LRMDA: variants seen among roughly 807,000 people sequenced by gnomAD.
LRMDA encodes leucine rich melanocyte differentiation associated, also known as leucine-rich melanocyte differentiation-associated protein.
In LRMDA, 18 loss-of-function variants were observed where a neutral mutation model predicts 29.8. The observed-to-expected ratio is 0.60, with a 90% confidence interval of 0.42 to 0.90. LRMDA has a LOEUF of 0.90. Ranked by LOEUF, LRMDA falls within the 40% of genes least tolerant of loss-of-function variation. The pLI is 0.00. For missense variants in LRMDA, 273 were observed against 273.9 expected, an observed-to-expected ratio of 1.00 and a Z score of 0.02; for synonymous variants, 125 against 109.4, an observed-to-expected ratio of 1.14 and a Z score of -0.89.
intron 1 of LRMDA, among the ~76,000 whole-genome samples, chr10:75,432,327 G>T (rs1034838729): frequency 6.6e-6 from 1 of 152,226 alleles, no homozygotes; most frequent in African/African-American, 2.4e-5. Context: ...AAGGCTGATG[G>T]AAGGCCACCG....
At chr10:75,770,488 C>T (rs1843225205) in intron 2 of LRMDA, among the ~76,000 whole-genome samples, 1 of 152,152 alleles carries the variant, frequency 6.6e-6, no homozygotes, top group Non-Finnish European at 1.5e-5. Context: ...ATGCCAATAG[C>T]ATTAAACAGT....
At chr10:76,051,933 TTTA>T (rs759242167) in intron 4 of LRMDA, among the ~76,000 whole-genome samples, 1 of 152,322 alleles carries the variant, frequency 6.6e-6, no homozygotes, top group East Asian at 1.9e-4. Context: ...CATTGCTAAG[TTTA>T]TTATTATTAT....
chr10:76,524,657 G>A (rs1410073178), intron 6 of LRMDA, among the ~76,000 whole-genome samples: 2 of 152,132 alleles, frequency 1.3e-5, no homozygotes, highest in African/African-American at 2.4e-5. Context: ...CAATGACTTC[G>A]AATAACCATG....
At chr10:76,362,474 A>G (rs937153984) in intron 6 of LRMDA, among the ~76,000 whole-genome samples, 2 of 152,246 alleles carry the variant, frequency 1.3e-5, no homozygotes, top group African/African-American at 2.4e-5. Context: ...TTCAATACCC[A>G]TTAAGGAAGA....
Position 75,873,364 on chromosome 10 carries a change from C to T in LRMDA, c.132-162644C>T, listed in dbSNP as rs532600109. Among the ~76,000 whole-genome samples the T allele has an allele frequency of 2.0e-5, 3 of 152,334 alleles. No individual in the cohort carries two copies. The South Asian group carries it at 6.2e-4, about 32-fold the overall frequency. ...AAGCTTAATTTGTATTTAATCTCCT[C>T]TTTTGTTTCTACATTATTGCCTTCG... On this transcript the variant is annotated intron_variant, in intron 2 of 6. Transcript: ENST00000611255.
intron 2 of LRMDA, among the ~76,000 whole-genome samples, chr10:75,614,286 G>C (rs1393860095): frequency 6.6e-6 from 1 of 152,116 alleles, no homozygotes; most frequent in Non-Finnish European, 1.5e-5. Flanking sequence ...GAGCAGATAA[G>C]ACGTTTTTAT....
At chr10:76,299,964 A>G (rs895773966) in intron 5 of LRMDA, among the ~76,000 whole-genome samples, 1 of 152,154 alleles carries the variant, frequency 6.6e-6, no homozygotes, top group African/African-American at 2.4e-5. Flanking sequence ...CCCTAACTTC[A>G]ACCCAATCTC....
chr10:76,248,611 G>GACA (rs1467653352), intron 5 of LRMDA, among the ~76,000 whole-genome samples: 4 of 152,212 alleles, frequency 2.6e-5, no homozygotes, highest in Admixed American at 6.5e-5. Context: ...ATGGATCAAG[G>GACA]TGGAAAGTCA....
At chr10:76,406,879 TCA>T (rs1841907912) in intron 6 of LRMDA, among the ~76,000 whole-genome samples, 1 of 152,056 alleles carries the variant, frequency 6.6e-6, no homozygotes, top group Non-Finnish European at 1.5e-5. Flanking sequence ...TAGAAAAACT[TCA>T]AAGTTTTAAA....
intron 5 of LRMDA, among the ~76,000 whole-genome samples, chr10:76,267,243 A>G (rs1012179439): frequency 2.6e-5 from 4 of 152,124 alleles, no homozygotes; most frequent in Non-Finnish European, 5.9e-5. Context: ...TATAATTCAC[A>G]TACTATATTG....
intron 2 of LRMDA, among the ~76,000 whole-genome samples, chr10:75,795,052 G>A (rs1033026497): frequency 2.6e-5 from 4 of 151,354 alleles, no homozygotes; most frequent in African/African-American, 9.7e-5. Flanking sequence ...TGGCTTTTAT[G>A]TTTAGGTCTT....
chr10:76,556,069 G>T (rs147051225), intron 6 of LRMDA, among the ~76,000 whole-genome samples: 246 of 152,264 alleles, frequency 1.6e-3, no homozygotes, highest in African/African-American at 5.1e-3. Flanking sequence ...ATCCTACAGA[G>T]CTTTCATAAT....
rs1408590953 is a variant in LRMDA at position 75,956,471 on chromosome 10, G to A, written c.132-79537G>A. 2.6e-5 allele frequency among the ~76,000 whole-genome samples: 4 copies of A among 152,242 alleles called. No homozygotes were observed. The South Asian group carries it at 6.2e-4, about 24-fold the overall frequency. On this transcript the variant is annotated intron_variant, in intron 2 of 6. Transcript: ENST00000611255. ...AAACACATAAGGACCTGTAGGCACC[G>A]TTTTTTGCTCTGGGCTTAAACACCT...
At chr10:76,192,040 G>A (rs369750950) in intron 5 of LRMDA, among the ~76,000 whole-genome samples, 2 of 152,178 alleles carry the variant, frequency 1.3e-5, no homozygotes, top group East Asian at 1.9e-4. Context: ...CATCTATGGA[G>A]TAGGGTCGTC....
chr10:76,172,078 C>A (rs899720748), intron 5 of LRMDA, among the ~76,000 whole-genome samples: 3 of 152,040 alleles, frequency 2.0e-5, no homozygotes, highest in Non-Finnish European at 2.9e-5. Context: ...TTCTAGCAAC[C>A]CACGGCTCTC....
intron 6 of LRMDA, among the ~76,000 whole-genome samples, chr10:76,541,394 G>T (rs1191790746): frequency 6.6e-6 from 1 of 152,266 alleles, no homozygotes; most frequent in South Asian, 2.1e-4. Flanking sequence ...CCAGCTACTT[G>T]GGAGGCCAAG....
intron 2 of LRMDA, among the ~76,000 whole-genome samples, chr10:75,489,979 G>A (rs763580576): frequency 1.3e-5 from 2 of 152,150 alleles, no homozygotes; most frequent in East Asian, 3.9e-4. Flanking sequence ...ATGGGATATT[G>A]ATAGAGGCAG....
intron 2 of LRMDA, among the ~76,000 whole-genome samples, chr10:75,447,104 G>T (rs1844404777): frequency 6.6e-6 from 1 of 152,234 alleles, no homozygotes; most frequent in Admixed American, 6.5e-5. Context: ...AATTTTCAAT[G>T]TAGTTCTAGG....
Position 75,732,195 on chromosome 10 carries a change from A to T in LRMDA, c.131+293701A>T, listed in dbSNP as rs562570084. ...GCTGAATGATGGAATCCTTTAGTAG[A>T]TGGAGCACCGACTCTCAAATGTGGC... On this transcript the variant is annotated intron_variant, in intron 2 of 6. Coordinates refer to ENST00000611255, the MANE Select transcript of LRMDA (RefSeq NM_001305581.2). 9.2e-5 allele frequency among the ~76,000 whole-genome samples: 14 copies of T among 152,238 alleles called. No individual in the cohort carries two copies. The East Asian group carries it at 2.7e-3, about 29-fold the overall frequency.
Sources: allele counts gnomAD v4.1 joint callset (sites outside exome capture counted in the v4.1 genomes callset), GRCh38; gene constraint gnomAD v4.1.1; transcripts MANE v1.5; gene names NCBI Gene and HGNC (gene_info 2026-07-23, HGNC 2026-07-21).